Variants in SORCS1 observed in about 807,000 individuals in gnomAD.
The protein encoded by SORCS1 is VPS10 domain-containing receptor SorCS1.
A neutral mutation model predicts 146.1 loss-of-function variants in SORCS1; 60 were observed. The observed-to-expected ratio is 0.41, with a 90% confidence interval of 0.33 to 0.51. SORCS1 has a LOEUF of 0.51. Ranked by LOEUF, SORCS1 falls within the 20% of genes least tolerant of loss-of-function variation. SORCS1 has a pLI of 0.21. For synonymous variants in SORCS1, 637 were observed against 584.0 expected (o/e 1.09, Z -1.31); for missense variants, 1,352 against 1,487.6 (o/e 0.91, Z 1.50).
chr10:106,791,731 C>A (rs186742522), intron 3 of SORCS1, among the ~76,000 whole-genome samples: 1 of 152,214 alleles, frequency 6.6e-6, no homozygotes, highest in Admixed American at 6.5e-5. Context: ...AATTTTGCAA[C>A]CACTTTTGAT....
At chr10:106,952,858 T>C (rs935600826) in intron 2 of SORCS1, among the ~76,000 whole-genome samples, 2 of 151,470 alleles carry the variant, frequency 1.3e-5, no homozygotes, top group African/African-American at 4.9e-5. Context: ...TCGCAAATAT[T>C]TGTAGTCCCA....
chr10:106,906,167 G>A (rs1173094282), intron 2 of SORCS1, among the ~76,000 whole-genome samples: 2 of 152,138 alleles, frequency 1.3e-5, no homozygotes, highest in East Asian at 3.9e-4. Context: ...CAGGCTGGAG[G>A]GCACTGGCAT....
At chr10:107,029,170 C>T (rs1958536063) in intron 1 of SORCS1, among the ~76,000 whole-genome samples, 1 of 152,188 alleles carries the variant, frequency 6.6e-6, no homozygotes, top group African/African-American at 2.4e-5. Flanking sequence ...AGTTATACTT[C>T]CATTTAAGCA....
Position 106,667,684 on chromosome 10 carries a change from C to G in SORCS1, c.2303+5G>C. The stretch of plus-strand genomic sequence containing the variant: ...CCTCTCAAGGTCACTACTCCAGACA[C>G]TTACCCAGTACTATTGAGGTAACTC... On this transcript the variant is annotated splice_donor_5th_base_variant and intron_variant, in intron 17 of 25. Coordinates refer to ENST00000263054, the MANE Select transcript of SORCS1 (RefSeq NM_052918.5). The G allele has an allele frequency of 6.2e-7, 1 of 1,611,248 alleles. No individual in the cohort carries two copies. The highest frequency in any genetic ancestry group is 8.5e-7 in the Non-Finnish European group (1 of 1,177,742).
At chr10:106,652,295 T>A (rs1849923437) in intron 18 of SORCS1, 87 bp downstream of exon 18, 4 of 1,375,884 alleles carry the variant, frequency 2.9e-6, no homozygotes, top group Non-Finnish European at 3.8e-6. Flanking sequence ...ATGGAGAAAG[T>A]TGAAAAAGAT....
intron 3 of SORCS1, among the ~76,000 whole-genome samples, chr10:106,786,419 G>A (rs1229065009): frequency 1.3e-5 from 2 of 152,104 alleles, no homozygotes; most frequent in Non-Finnish European, 2.9e-5. Flanking sequence ...CCATGTGGCT[G>A]AACATCACAT....
chr10:106,809,290 T>G (rs1025182424), intron 3 of SORCS1, among the ~76,000 whole-genome samples: 1 of 152,116 alleles, frequency 6.6e-6, no homozygotes, highest in East Asian at 1.9e-4. Context: ...GGAAATGAAG[T>G]TGACCTTGGG....
intron 14 of SORCS1, 137 bp from the exon 15 acceptor site, chr10:106,673,122 T>C: frequency 1.6e-6 from 1 of 622,964 alleles, no homozygotes; most frequent in South Asian, 2.1e-5. Context: ...CAAAACGCAT[T>C]CATGAAGAGG....
At position 106,629,339 on chromosome 10, in the gene SORCS1, G is replaced by A. The variant is rs578057896; in HGVS notation, c.2525C>T (p.Ala842Val). 18 of 1,614,152 alleles carry A rather than the reference G, an allele frequency of 1.1e-5. No individual in the cohort carries two copies. In the Admixed American group the frequency reaches 1.7e-4, roughly 15 times the overall value. Residue 842 changes from alanine to valine, a missense_variant, in exon 19 of 26, where the codon GCG becomes GTG. Ala to Val is a moderately conservative substitution (Grantham distance 64). Coordinates refer to ENST00000263054, the MANE Select transcript of SORCS1 (RefSeq NM_052918.5). ...GGAGCTGAGATTGACGTAAGACACC[G>A]CGATACCATCGCCAAAGTCCACTTG... is the stretch of plus-strand genomic sequence containing the variant. ...LIQVDFGDGI[A>V]VSYVNLSSME...
intron 2 of SORCS1, among the ~76,000 whole-genome samples, chr10:106,929,020 G>A (rs11193120): frequency 0.52 from 78,851 of 151,538 alleles, 22,098 homozygotes; most frequent in Non-Finnish European, 0.63. Context: ...ATTAAAGCAT[G>A]CTGATGATGA....
chr10:106,967,802 A>G (rs990260362), intron 1 of SORCS1, among the ~76,000 whole-genome samples: 4 of 152,198 alleles, frequency 2.6e-5, no homozygotes, highest in African/African-American at 7.2e-5. Context: ...CTCACCTGAT[A>G]CACAGCTGCT....
At chr10:107,066,836 T>A (rs1961914648) in intron 1 of SORCS1, among the ~76,000 whole-genome samples, 1 of 152,212 alleles carries the variant, frequency 6.6e-6, no homozygotes. Context: ...ACTTGTCATC[T>A]TGGGATATGG....
chr10:107,026,016 C>T (rs1186891622), intron 1 of SORCS1, among the ~76,000 whole-genome samples: 1 of 152,152 alleles, frequency 6.6e-6, no homozygotes, highest in African/African-American at 2.4e-5. Flanking sequence ...CATCCAGGAC[C>T]CCATGAATTC....
chr10:106,825,724 A>G (rs1475063430), intron 3 of SORCS1, among the ~76,000 whole-genome samples: 1 of 151,980 alleles, frequency 6.6e-6, no homozygotes, highest in Non-Finnish European at 1.5e-5. Flanking sequence ...AAGCCTTGGG[A>G]TTTATCATGA....
chr10:106,955,077 G>A (rs1191003196), intron 2 of SORCS1, among the ~76,000 whole-genome samples: 2 of 152,200 alleles, frequency 1.3e-5, no homozygotes, highest in Admixed American at 6.5e-5. Context: ...GGGACTGAAC[G>A]AGCTGTAACA....
At chr10:107,137,262 G>A (rs1175163189) in intron 1 of SORCS1, among the ~76,000 whole-genome samples, 5 of 152,298 alleles carry the variant, frequency 3.3e-5, no homozygotes, top group East Asian at 1.9e-4. Flanking sequence ...AGAGCATTCC[G>A]AGGCCAACTG....
At chr10:106,659,776 T>A (rs1009780165) in intron 17 of SORCS1, among the ~76,000 whole-genome samples, 5 of 152,202 alleles carry the variant, frequency 3.3e-5, no homozygotes, top group African/African-American at 1.2e-4. Flanking sequence ...AGAATCGCCA[T>A]GTGAGAAAGC....
rs66699179 is a variant in SORCS1 at position 106,602,512 on chromosome 10, AACAC to A, written c.3165+4650_3165+4653del. Among the ~76,000 whole-genome samples the A allele has an allele frequency of 4.2e-3, 582 of 138,828 alleles. 4 individuals are homozygous for A. Among genetic ancestry groups the A allele is most frequent in the East Asian group, 0.018 (85 of 4,764 alleles). 91.1% of individuals were successfully genotyped at this position (138,828 alleles called of 152,430 possible). On this transcript the variant is annotated intron_variant, in intron 23 of 25. Transcript: ENST00000263054. ...CAGTAGCTCAATTTCATTCCTTCAT[AACAC>A]ACACACACACACACACACACACACA...
chr10:106,878,620 GTATATATATATATA>G lies in SORCS1; in HGVS notation c.627-48961_627-48948del, dbSNP rs3982430. 4.7e-5 allele frequency among the ~76,000 whole-genome samples: 4 copies of G among 84,924 alleles called. No homozygotes were observed. In the South Asian group the frequency reaches 1.2e-3, roughly 26 times the overall value. The allele number at this position is 84,924 out of a possible 152,430, so 55.7% of individuals were successfully genotyped here. A position where few individuals can be genotyped will look rare whatever the true frequency, so the allele number is the denominator to read the frequency against. ...AAATTTGTTTTTTATAAACTACCTA[GTATATATATATATA>G]TATATATATATATATTTTATAGCAG... On this transcript the variant is annotated intron_variant, in intron 2 of 25. Coordinates refer to ENST00000263054, the MANE Select transcript of SORCS1 (RefSeq NM_052918.5).
Sources: allele counts gnomAD v4.1 joint callset (sites outside exome capture counted in the v4.1 genomes callset), GRCh38; gene constraint gnomAD v4.1.1; transcripts MANE v1.5; gene names NCBI Gene and HGNC (gene_info 2026-07-23, HGNC 2026-07-21).